The following PATJ variants were observed in gnomAD, a reference collection of about 807,000 sequenced individuals.
The protein encoded by PATJ is inaD-like protein.
In PATJ, 190 loss-of-function variants were observed where a neutral mutation model predicts 224.9. The observed-to-expected ratio is 0.84, with a 90% CI of 0.75 to 0.95. The LOEUF is 0.95. PATJ is among the 40% of genes least tolerant of loss of function. The pLI, the probability that PATJ is intolerant of heterozygous loss-of-function variation, is 0.00. For synonymous variants in PATJ, 769 were observed against 820.3 expected (o/e 0.94, Z 1.07); for missense variants, 2,121 against 2,270.3 (o/e 0.93, Z 1.34).
intron 33 of PATJ, among the ~76,000 whole-genome samples, chr1:62,108,029 G>T (rs111375657): frequency 3.8e-4 from 58 of 152,216 alleles, no homozygotes; most frequent in African/African-American, 1.3e-3. Flanking sequence ...AAGTAATAAG[G>T]CCTGGCAAAA....
chr1:62,008,574 T>C (rs1290013919), intron 28 of PATJ, among the ~76,000 whole-genome samples: 1 of 149,900 alleles, frequency 6.7e-6, no homozygotes, highest in Non-Finnish European at 1.5e-5. Flanking sequence ...CTGGGTAACA[T>C]GGCAAGACCC....
chr1:62,021,943 T>G (rs1326329008), intron 29 of PATJ, among the ~76,000 whole-genome samples: 1 of 152,228 alleles, frequency 6.6e-6, no homozygotes, highest in African/African-American at 2.4e-5. Flanking sequence ...TTCTTTACAA[T>G]TTGCACTTCT....
intron 1 of PATJ, among the ~76,000 whole-genome samples, chr1:61,751,949 A>G (rs1645355986): frequency 6.6e-6 from 1 of 152,082 alleles, no homozygotes; most frequent in South Asian, 2.1e-4. Context: ...GACCAGTCTG[A>G]TTAACATGGA....
chr1:61,796,740 CTTTTT>C (rs143698836), intron 10 of PATJ, among the ~76,000 whole-genome samples: 7 of 50,370 alleles, frequency 1.4e-4, no homozygotes, highest in Admixed American at 2.8e-4. Context: ...TTCTTTCTTT[CTTTTT>C]TTTCTTCCTT....
chr1:62,092,468 G>A (rs1396743880), intron 33 of PATJ, among the ~76,000 whole-genome samples: 1 of 149,716 alleles, frequency 6.7e-6, no homozygotes, highest in African/African-American at 2.5e-5. Context: ...GTCAGAGTTG[G>A]AATTTTTTTT....
intron 28 of PATJ, among the ~76,000 whole-genome samples, chr1:61,994,061 T>A (rs973617090): frequency 6.6e-6 from 1 of 152,086 alleles, no homozygotes; most frequent in Admixed American, 6.6e-5. Flanking sequence ...TAAAAAAAAA[T>A]AACGAATAAA....
chr1:62,017,838 G>T lies in PATJ; in HGVS notation c.3868-18G>T. 1 of 1,375,526 alleles carries T rather than the reference G, an allele frequency of 7.3e-7. No individual in the cohort carries two copies. The highest frequency in any genetic ancestry group is 1.0e-6 in the Non-Finnish European group (1 of 964,762). 85.2% of individuals were successfully genotyped at this position (1,375,526 alleles called of 1,614,324 possible). On this transcript the variant is annotated intron_variant, in intron 28 of 43. Coordinates refer to ENST00000642238, the MANE Select transcript of PATJ (RefSeq NM_001350145.3). ...GTAGACATGTATAATTTAGTACATT[G>T]TGGTTTTTCCCAAACAGATAAACAA...
intron 30 of PATJ, among the ~76,000 whole-genome samples, chr1:62,039,271 G>A (rs1651020797): frequency 6.6e-6 from 1 of 152,096 alleles, no homozygotes; most frequent in African/African-American, 2.4e-5. Context: ...TTAACATTAT[G>A]GACTGACCTA....
intron 27 of PATJ, among the ~76,000 whole-genome samples, chr1:61,955,221 C>T (rs1243145052): frequency 2.6e-5 from 4 of 152,192 alleles, no homozygotes; most frequent in South Asian, 4.2e-4. Context: ...ATAGCATAGC[C>T]GCAGTTACTG....
Position 62,016,972 on chromosome 1 carries a change from A to G in PATJ, c.3868-884A>G, listed in dbSNP as rs148770093. Among the ~76,000 whole-genome samples the G allele has an allele frequency of 4.5e-4, 69 of 152,354 alleles. 1 individual carries two copies. In the East Asian group the frequency reaches 8.9e-3, roughly 20 times the overall value. On this transcript the variant is annotated intron_variant, in intron 28 of 43. Transcript: ENST00000642238. ...GAAATATGTGTCCTAAACTTTTTGT[A>G]TCAGGCTTAACTACTGCTTTCTTGA...
rs185543257 is a variant in PATJ at position 61,949,957 on chromosome 1, T to G, written c.3670+22128T>G. On this transcript the variant is annotated intron_variant, in intron 27 of 43. Transcript: ENST00000642238. ...GCTCATGCCTGTAATCCCAGCACTT[T>G]GGGAGGCCAAGGCAGGCGGATTACT... Among the ~76,000 whole-genome samples, 243 of 151,954 alleles carry G rather than the reference T, an allele frequency of 1.6e-3. 1 individual carries two copies. Among genetic ancestry groups the G allele is most frequent in the African/African-American group, 5.5e-3 (229 of 41,420 alleles).
intron 9 of PATJ, among the ~76,000 whole-genome samples, chr1:61,794,226 G>A (rs996294034): frequency 2.0e-5 from 3 of 151,072 alleles, no homozygotes; most frequent in African/African-American, 7.3e-5. Context: ...TAAGAGACAA[G>A]CCTTAAGCTC....
At position 61,908,575 on chromosome 1, in the gene PATJ, A is replaced by AT. The variant is rs1415981965; in HGVS notation, c.3492+95dup. ...CTCTAAGTATTTTCCACATATTTTC[A>AT]TTGTAGTTCCCAAACTATATTTAAA... On this transcript the variant is annotated intron_variant, in intron 25 of 43. Coordinates refer to ENST00000642238, the MANE Select transcript of PATJ (RefSeq NM_001350145.3). The AT allele has an allele frequency of 2.1e-5, 16 of 754,036 alleles. No homozygotes were observed. In the African/African-American group the frequency reaches 2.3e-4, roughly 11 times the overall value. The allele number at this position is 754,036 out of a possible 1,614,324, so 46.7% of individuals were successfully genotyped here.
At chr1:61,930,349 A>G (rs1197545184) in intron 27 of PATJ, among the ~76,000 whole-genome samples, 1 of 152,176 alleles carries the variant, frequency 6.6e-6, no homozygotes, top group African/African-American at 2.4e-5. Context: ...TCCTTGACTC[A>G]TGTTAAATGA....
intron 26 of PATJ, among the ~76,000 whole-genome samples, chr1:61,923,971 TGA>T (rs1674731670): frequency 6.7e-6 from 1 of 149,950 alleles, no homozygotes; most frequent in African/African-American, 2.5e-5. Context: ...AGAAAACTAA[TGA>T]GCAGATCTTG....
intron 40 of PATJ, chr1:62,128,449 C>G (rs1034167177): frequency 3.6e-6 from 1 of 274,640 alleles, no homozygotes; most frequent in Non-Finnish European, 6.9e-6. Flanking sequence ...TATGATTTCT[C>G]CCCCTTGTTG....
rs1403606939 is a variant in PATJ, at chr1:61,899,597, GAGA to G, written c.3152_3154del (p.Glu1051del). 3.1e-6 allele frequency: 5 copies of G among 1,610,382 alleles called. No individual in the cohort carries two copies. The highest frequency in any genetic ancestry group is 4.2e-6 in the Non-Finnish European group (5 of 1,178,512). ...TCCCTCTGTAGTGAGTTACCTGAGA[GAGA>G]AGAAGGCGAAGGAGAAGAAACTCCA... is the stretch of plus-strand genomic sequence containing the variant. On this transcript the variant is annotated inframe_deletion, in exon 23 of 44. Coordinates refer to ENST00000642238, the MANE Select transcript of PATJ (RefSeq NM_001350145.3).
intron 31 of PATJ, chr1:62,078,848 G>A (rs1319224201): frequency 6.6e-6 from 1 of 151,224 alleles, no homozygotes; most frequent in African/African-American, 2.4e-5. Context: ...ACATAGTAGG[G>A]ACTCAATAAA....
At chr1:61,916,779 C>T (rs1571277906) in intron 26 of PATJ, among the ~76,000 whole-genome samples, 1 of 152,190 alleles carries the variant, frequency 6.6e-6, no homozygotes, top group Middle Eastern at 3.4e-3. Flanking sequence ...AATTTGGAGG[C>T]TAGAGTCTTC....
Sources: gnomAD v4.1 joint callset for allele counts (sites outside exome capture counted in the v4.1 genomes callset) on GRCh38, gnomAD v4.1.1 for gene constraint, MANE v1.5 for transcripts, NCBI Gene and HGNC (gene_info 2026-07-23, HGNC 2026-07-21) for gene names.